The following RUNX1 variants were observed in gnomAD, a reference collection of about 807,000 sequenced individuals.
The protein encoded by RUNX1 is RUNX family transcription factor 1, also known as runt-related transcription factor 1.
Under a neutral mutation model 42.8 loss-of-function variants are expected in RUNX1, and 19 were observed. The ratio of observed to expected loss-of-function variants is 0.44; its 90% CI spans 0.31 to 0.65. RUNX1 has a LOEUF of 0.65. RUNX1 is among the 30% of genes least tolerant of loss of function. The pLI, the probability that RUNX1 is intolerant of heterozygous loss-of-function variation, is 0.07. For synonymous variants in RUNX1, 271 were observed against 289.4 expected (o/e 0.94, Z 0.64); for missense variants, 528 against 672.0 (o/e 0.79, Z 2.37).
chr21:34,865,851 A>G (rs902550658), intron 5 of RUNX1, among the ~76,000 whole-genome samples: 1 of 152,226 alleles, frequency 6.6e-6, no homozygotes, highest in African/African-American at 2.4e-5. Flanking sequence ...GGAGATTACA[A>G]AGCAAAAAGA....
intron 2 of RUNX1, among the ~76,000 whole-genome samples, chr21:34,921,029 T>A (rs1051505810): frequency 6.6e-6 from 1 of 152,136 alleles, no homozygotes; most frequent in African/African-American, 2.4e-5. Context: ...CAGCTAATTT[T>A]GGTATTTTTA....
chr21:34,921,243 G>A (rs2058351503), intron 2 of RUNX1, among the ~76,000 whole-genome samples: 1 of 152,100 alleles, frequency 6.6e-6, no homozygotes, highest in Non-Finnish European at 1.5e-5. Flanking sequence ...GAACATTTTT[G>A]TCTTCCCAAA....
intron 2 of RUNX1, among the ~76,000 whole-genome samples, chr21:34,987,658 C>A (rs976382204): frequency 3.9e-5 from 6 of 152,016 alleles, no homozygotes; most frequent in Admixed American, 2.6e-4. Context: ...TAAAAAAATT[C>A]TCATAAAACC....
intron 2 of RUNX1, among the ~76,000 whole-genome samples, chr21:34,993,889 G>A (rs1436607464): frequency 1.3e-5 from 2 of 152,204 alleles, no homozygotes; most frequent in South Asian, 2.1e-4. Flanking sequence ...GAATGACCTG[G>A]CATAAATGCA....
At chr21:35,012,909 ACTACT>A (rs1370234316) in intron 2 of RUNX1, among the ~76,000 whole-genome samples, 1 of 152,198 alleles carries the variant, frequency 6.6e-6, no homozygotes, top group African/African-American at 2.4e-5. Flanking sequence ...TTTTATCAAA[ACTACT>A]CAACTCTGTC....
At chr21:34,827,743 C>T (rs2057009058) in intron 7 of RUNX1, among the ~76,000 whole-genome samples, 1 of 152,160 alleles carries the variant, frequency 6.6e-6, no homozygotes, top group South Asian at 2.1e-4. Flanking sequence ...ACCTAGGCTG[C>T]CATTCTGAAG....
chr21:34,963,931 G>C (rs1040316649), intron 2 of RUNX1, among the ~76,000 whole-genome samples: 8 of 152,210 alleles, frequency 5.3e-5, no homozygotes, highest in Non-Finnish European at 1.2e-4. Flanking sequence ...CTAAGAGCCT[G>C]CATGCCTCAA....
At position 35,048,978 on chromosome 21, in the gene RUNX1, A is replaced by G. The variant is rs2059420189; in HGVS notation, c.-59-20T>C. The stretch of plus-strand genomic sequence containing the variant: ...TTTTACCTTCGGAGCGAAAACCAAG[A>G]CAGGTCACTGTTTCAGCCTCACCCC... On this transcript the variant is annotated intron_variant, in intron 1 of 8. Coordinates refer to ENST00000675419, the MANE Select transcript of RUNX1 (RefSeq NM_001754.5). 7 of 1,241,580 alleles carry G rather than the reference A, an allele frequency of 5.6e-6. No homozygotes were observed. Among genetic ancestry groups the G allele is most frequent in the African/African-American group, 3.0e-5 (2 of 67,646 alleles). The allele number at this position is 1,241,580 out of a possible 1,614,324, so 76.9% of individuals were successfully genotyped here.
At chr21:34,870,916 A>C (rs2268293) in intron 5 of RUNX1, among the ~76,000 whole-genome samples, 60,598 of 152,010 alleles carry the variant, frequency 0.4, 14,826 homozygotes, top group African/African-American at 0.7. Context: ...TGAGATCACG[A>C]CACTGCATTC....
At chr21:34,804,414 A>G (rs2056650892) in intron 7 of RUNX1, among the ~76,000 whole-genome samples, 1 of 152,222 alleles carries the variant, frequency 6.6e-6, no homozygotes, top group Admixed American at 6.5e-5. Context: ...CAAGGACGCT[A>G]GAGGAATTTG....
In RUNX1 at chr21:34,990,116, T is replaced by C. The variant is rs2058925197; in HGVS notation, c.58+58726A>G. ...TCAAGGCTCTAAGGTTCTATCTCTG[T>C]GCTGCTGCACTGAGCTGCTCCCTCC... On this transcript the variant is annotated intron_variant, in intron 2 of 8. Transcript: ENST00000675419. Among the ~76,000 whole-genome samples, 3 of 152,216 alleles carry C rather than the reference T, an allele frequency of 2.0e-5. No homozygotes were observed. The South Asian group carries it at 6.2e-4, about 32-fold the overall frequency.
chr21:35,041,371 C>T (rs529306032), intron 2 of RUNX1, among the ~76,000 whole-genome samples: 2 of 152,318 alleles, frequency 1.3e-5, no homozygotes, highest in South Asian at 4.1e-4. Context: ...ATTGAGCAAG[C>T]CCAACTAGCA....
intron 2 of RUNX1, among the ~76,000 whole-genome samples, chr21:35,041,258 G>C (rs972768606): frequency 6.6e-5 from 10 of 152,166 alleles, no homozygotes; most frequent in Middle Eastern, 6.3e-3. Context: ...TCTCCCAATG[G>C]ACATGTTTCA....
intron 3 of RUNX1, 36 bp downstream of exon 3, chr21:34,892,889 A>G: frequency 8.0e-7 from 1 of 1,248,918 alleles, no homozygotes; most frequent in African/African-American, 1.5e-5. Flanking sequence ...GAAGGTGTGT[A>G]CTTTATTTAA....
chr21:34,862,526 CCT>C (rs1601477963), intron 5 of RUNX1, among the ~76,000 whole-genome samples: 1 of 152,218 alleles, frequency 6.6e-6, no homozygotes, highest in African/African-American at 2.4e-5. Context: ...CCACACTCCC[CCT>C]GAGGGCTCTA....
chr21:35,013,546 G>GA (rs1278578450), intron 2 of RUNX1, among the ~76,000 whole-genome samples: 1 of 151,804 alleles, frequency 6.6e-6, no homozygotes, highest in Admixed American at 6.6e-5. Context: ...AAGTTACAAT[G>GA]AAAAAAAATA....
At chr21:34,821,571 CTGTCA>C (rs2056908691) in intron 7 of RUNX1, 1 of 1,543,828 alleles carries the variant, frequency 6.5e-7, no homozygotes, top group South Asian at 1.2e-5. Flanking sequence ...ATTCTGAGGG[CTGTCA>C]TCTTTCTTCT....
At chr21:34,904,388 A>G (rs1226956012) in intron 2 of RUNX1, among the ~76,000 whole-genome samples, 1 of 152,204 alleles carries the variant, frequency 6.6e-6, no homozygotes, top group Non-Finnish European at 1.5e-5. Context: ...GTGCAATGAA[A>G]TCTATATTCA....
Position 34,792,311 on chromosome 21 carries a change from G to GGGCCCCCC in RUNX1, c.1266_1267insGGGGGGCC (p.Arg423GlyfsTer174). 6.5e-7 allele frequency: 1 copy of GGGCCCCCC among 1,539,286 alleles called. No individual in the cohort carries two copies. Among genetic ancestry groups the GGGCCCCCC allele is most frequent in the Non-Finnish European group, 8.7e-7 (1 of 1,143,644 alleles). On this transcript the variant is annotated frameshift_variant, in exon 9 of 9. Coordinates refer to ENST00000675419, the MANE Select transcript of RUNX1 (RefSeq NM_001754.5). LOFTEE classifies it high-confidence loss of function. The surrounding 1 kb of genome is among the most constrained non-coding windows in gnomAD (Gnocchi z 6.9). ...GGCGGCAGGATGCGCGGCGGCGAGCGCTCGCCGCCCACCATGGAGAACTGG... is the reference window on the plus strand; with the variant it reads ...GGCGGCAGGATGCGCGGCGGCGAGCGGGCCCCCCCTCGCCGCCCACCATGGAGAACTGG...
Sources: allele counts gnomAD v4.1 joint callset (sites outside exome capture counted in the v4.1 genomes callset), GRCh38; gene constraint gnomAD v4.1.1; non-coding constraint Gnocchi (gnomAD v3.1); transcripts MANE v1.5; gene names NCBI Gene and HGNC (gene_info 2026-07-23, HGNC 2026-07-21).